Variants in CNTN4 observed in about 807,000 individuals in gnomAD.
CNTN4 encodes the protein contactin 4.
A neutral mutation model predicts 122.5 loss-of-function variants in CNTN4; 77 were observed. The observed-to-expected ratio is 0.63, with a 90% CI of 0.52 to 0.76. The LOEUF (loss-of-function observed/expected upper bound fraction) is 0.76, where lower values mean the gene tolerates loss of function less well. Among genes scored for constraint, CNTN4 ranks in the 30% least tolerant of loss-of-function variants. The pLI is 0.00. For missense variants in CNTN4, 1,256 were observed against 1,259.1 expected, an observed-to-expected ratio of 1.00 and a Z score of 0.04; for synonymous variants, 512 against 447.0, an observed-to-expected ratio of 1.15 and a Z score of -1.83.
chr3:2,217,870 G>T lies in CNTN4; in HGVS notation c.-145+117231G>T, dbSNP rs191565320. 6.5e-4 allele frequency among the ~76,000 whole-genome samples: 99 copies of T among 152,336 alleles called. 1 individual carries two copies. Among genetic ancestry groups the T allele is most frequent in the Non-Finnish European group, 1.1e-3 (77 of 68,032 alleles). On this transcript the variant is annotated intron_variant, in intron 2 of 24. Transcript: ENST00000418658. ...ATATTAGTTTAATAAATGTCTGAGT[G>T]CCTACCTAGATGCTAGGAGTAAAAA...
chr3:2,240,751 T>C (rs1019455923), intron 2 of CNTN4, among the ~76,000 whole-genome samples: 5 of 152,180 alleles, frequency 3.3e-5, no homozygotes, highest in African/African-American at 1.2e-4. Flanking sequence ...TTTTAAAATT[T>C]AGTTTTGAAT....
chr3:2,586,508 G>C (rs368035135), intron 4 of CNTN4, among the ~76,000 whole-genome samples: 1 of 152,226 alleles, frequency 6.6e-6, no homozygotes, highest in African/African-American at 2.4e-5. Context: ...GGCCAGGCTT[G>C]TCTCGAACCC....
At chr3:2,839,203 T>C (rs1000411719) in intron 7 of CNTN4, among the ~76,000 whole-genome samples, 1 of 152,194 alleles carries the variant, frequency 6.6e-6, no homozygotes, top group African/African-American at 2.4e-5. Flanking sequence ...TACAAAGGAA[T>C]TGCCATATGA....
intron 4 of CNTN4, among the ~76,000 whole-genome samples, chr3:2,574,425 C>A (rs530484695): frequency 3.3e-5 from 5 of 152,058 alleles, no homozygotes; most frequent in South Asian, 4.2e-4. Context: ...AGACAGGATC[C>A]AAATATACAA....
intron 3 of CNTN4, among the ~76,000 whole-genome samples, chr3:2,535,324 C>T (rs1201172642): frequency 6.6e-6 from 1 of 152,140 alleles, no homozygotes; most frequent in Non-Finnish European, 1.5e-5. Context: ...TCTGCTTTCC[C>T]TTTGTTTCCA....
chr3:3,022,267 C>A (rs539421333), intron 14 of CNTN4, among the ~76,000 whole-genome samples: 3 of 152,008 alleles, frequency 2.0e-5, no homozygotes, highest in African/African-American at 7.2e-5. Flanking sequence ...AAATAAAATA[C>A]TAGCTGGACA....
intron 2 of CNTN4, among the ~76,000 whole-genome samples, chr3:2,151,222 G>A (rs868653937): frequency 6.6e-6 from 1 of 152,162 alleles, no homozygotes; most frequent in African/African-American, 2.4e-5. Flanking sequence ...ACTTCGCCTG[G>A]CCAACAAGTA....
chr3:2,779,250 TTTG>T (rs200280571), intron 6 of CNTN4, among the ~76,000 whole-genome samples: 40,037 of 133,328 alleles, frequency 0.3, 5,781 homozygotes, highest in African/African-American at 0.46. Context: ...GTTTGTTTTG[TTTG>T]TTTGTTTGTT....
intron 4 of CNTN4, among the ~76,000 whole-genome samples, chr3:2,620,676 A>G (rs1036755180): frequency 6.6e-6 from 1 of 152,170 alleles, no homozygotes; most frequent in Non-Finnish European, 1.5e-5. Context: ...TTCAGTGAAG[A>G]ATCTCTTTAC....
intron 4 of CNTN4, among the ~76,000 whole-genome samples, chr3:2,735,531 C>T (rs1284579653): frequency 6.6e-6 from 1 of 152,184 alleles, no homozygotes; most frequent in African/African-American, 2.4e-5. Flanking sequence ...CAAATCATTG[C>T]ACCTGTTATA....
intron 2 of CNTN4, among the ~76,000 whole-genome samples, chr3:2,320,598 A>G (rs1311022411): frequency 2.6e-5 from 4 of 152,120 alleles, no homozygotes; most frequent in African/African-American, 7.2e-5. Flanking sequence ...AATTTTCTAT[A>G]AGACATCAGT....
chr3:2,674,867 C>A (rs1344084432), intron 4 of CNTN4, among the ~76,000 whole-genome samples: 1 of 152,144 alleles, frequency 6.6e-6, no homozygotes, highest in African/African-American at 2.4e-5. Flanking sequence ...GTTAACCAAC[C>A]TCTCCCTATC....
At chr3:3,034,288 G>T (rs546709355) in intron 16 of CNTN4, among the ~76,000 whole-genome samples, 24 of 152,120 alleles carry the variant, frequency 1.6e-4, no homozygotes, top group African/African-American at 5.5e-4. Context: ...ACCCATATTA[G>T]GAACCTATAA....
At chr3:2,925,467 C>T (rs2094465043) in intron 12 of CNTN4, among the ~76,000 whole-genome samples, 162 bp from the exon 13 acceptor site, 1 of 152,140 alleles carries the variant, frequency 6.6e-6, no homozygotes, top group African/African-American at 2.4e-5. Context: ...GCAGGAGAGT[C>T]ACTTGAACCC....
Position 2,790,731 on chromosome 3 carries a change from G to C in CNTN4, c.359-28755G>C, listed in dbSNP as rs116508562. On this transcript the variant is annotated intron_variant, in intron 6 of 24. Coordinates refer to ENST00000418658, the MANE Select transcript of CNTN4 (RefSeq NM_175607.3). ...GACCTATCCACCTTCTGTAAAAGCA[G>C]TTCAGAGGATGACCAATGAGCTATC... Among the ~76,000 whole-genome samples the C allele has an allele frequency of 7.3e-3, 1,115 of 152,300 alleles. 14 individuals carry two copies. The highest frequency in any genetic ancestry group is 0.026 in the African/African-American group (1,074 of 41,570).
At position 2,362,290 on chromosome 3, in the gene CNTN4, G is replaced by T; in HGVS notation, c.-89+23057G>T. ...TGGCCGTGGTGCTGGCAGCTGGGTT[G>T]TGCCCTCTGCAGAGCCATGGCGGCC... On this transcript the variant is annotated intron_variant, in intron 3 of 24. Transcript: ENST00000418658. 1.5e-5 allele frequency: 3 copies of T among 194,582 alleles called. No homozygotes were observed. In the South Asian group the frequency reaches 2.4e-4, roughly 16 times the overall value. 12.1% of individuals were successfully genotyped at this position (194,582 alleles called of 1,614,324 possible). A position where few individuals can be genotyped will look rare whatever the true frequency, so the allele number is the denominator to read the frequency against.
rs1052501109 is a variant in CNTN4 at position 2,774,984 on chromosome 3, C to T, written c.358+29287C>T. Among the ~76,000 whole-genome samples, 9 of 152,308 alleles carry T rather than the reference C, an allele frequency of 5.9e-5. No individual in the cohort carries two copies. The East Asian group carries it at 1.5e-3, about 26-fold the overall frequency. On this transcript the variant is annotated intron_variant, in intron 6 of 24. Transcript: ENST00000418658. ...GAAGCACGGACAGCGATTTCAGCTT[C>T]GCAAAAGGCTAGTTGTGCTTATAAC... is the stretch of plus-strand genomic sequence containing the variant.
intron 14 of CNTN4, among the ~76,000 whole-genome samples, chr3:2,998,813 G>C (rs947406214): frequency 6.6e-6 from 1 of 152,134 alleles, no homozygotes; most frequent in Non-Finnish European, 1.5e-5. Flanking sequence ...CAAATACTTT[G>C]ATTCCCTTTT....
At chr3:2,910,521 G>T (rs1255927022) in intron 12 of CNTN4, among the ~76,000 whole-genome samples, 1 of 152,144 alleles carries the variant, frequency 6.6e-6, no homozygotes, top group African/African-American at 2.4e-5. Flanking sequence ...TCATCAGTCA[G>T]TAAGAAATAT....
Sources: gnomAD v4.1 joint callset for allele counts (sites outside exome capture counted in the v4.1 genomes callset) on GRCh38, gnomAD v4.1.1 for gene constraint, MANE v1.5 for transcripts, NCBI Gene and HGNC (gene_info 2026-07-23, HGNC 2026-07-21) for gene names.